MRC1: variants seen among roughly 807,000 people sequenced by gnomAD.
MRC1 encodes the protein mannose receptor C-type 1.
In MRC1, 62 loss-of-function variants were observed where a neutral mutation model predicts 102.9. The ratio of observed to expected loss-of-function variants is 0.60; its 90% CI spans 0.49 to 0.74. MRC1 has a LOEUF of 0.74. MRC1 is among the 30% of genes least tolerant of loss of function. MRC1 has a pLI of 0.00. For missense variants in MRC1, 1,237 were observed against 862.8 expected (o/e 1.43, Z -5.43); for synonymous variants, 457 against 298.4 (o/e 1.53, Z -5.48).
At chr10:17,845,024 A>T in intron 5 of MRC1, 1 of 711,176 alleles carries the variant, frequency 1.4e-6, no homozygotes, top group Non-Finnish European at 2.7e-6. Flanking sequence ...TTATTAGCTG[A>T]TAATGGGGGA....
chr10:17,879,264 C>G (rs1240873712), intron 18 of MRC1, among the ~76,000 whole-genome samples: 1 of 152,150 alleles, frequency 6.6e-6, no homozygotes, highest in Non-Finnish European at 1.5e-5. Context: ...TAGGACACAC[C>G]ACATACTCAG....
chr10:17,848,869 T>C (rs1838868881), intron 6 of MRC1, among the ~76,000 whole-genome samples: 1 of 152,146 alleles, frequency 6.6e-6, no homozygotes, highest in Non-Finnish European at 1.5e-5. Flanking sequence ...CATGTGGCTA[T>C]GGTGGCGGAG....
chr10:17,862,036 C>T (rs893693490), intron 10 of MRC1, among the ~76,000 whole-genome samples: 116 of 152,170 alleles, frequency 7.6e-4, no homozygotes, highest in Non-Finnish European at 1.3e-3. Flanking sequence ...AAGATTTATT[C>T]GTTTACTTTT....
At chr10:17,875,304 T>A (rs1833414719) in intron 17 of MRC1, 51 bp downstream of exon 17, 2 of 775,630 alleles carry the variant, frequency 2.6e-6, no homozygotes, top group Non-Finnish European at 4.8e-6. Flanking sequence ...GGGGAACAGG[T>A]GTTGTTTGGT....
intron 29 of MRC1, among the ~76,000 whole-genome samples, chr10:17,909,723 T>C (rs1206562161): frequency 6.6e-6 from 1 of 152,078 alleles, no homozygotes; most frequent in Non-Finnish European, 1.5e-5. Context: ...TTCACTCATT[T>C]TGTTGGCTGC....
chr10:17,815,926 A>G (rs1435244518), intron 1 of MRC1, among the ~76,000 whole-genome samples: 2 of 152,080 alleles, frequency 1.3e-5, no homozygotes, highest in Non-Finnish European at 2.9e-5. Context: ...TTGTGGGTTC[A>G]AGAGATTCTC....
At chr10:17,844,268 G>A (rs1370915683) in intron 5 of MRC1, among the ~76,000 whole-genome samples, 2 of 151,948 alleles carry the variant, frequency 1.3e-5, no homozygotes, top group African/African-American at 2.4e-5. Flanking sequence ...ACCCCGGCTG[G>A]AGTGCAGTGG....
At chr10:17,840,447 T>C (rs1838734011) in intron 4 of MRC1, among the ~76,000 whole-genome samples, 1 of 152,210 alleles carries the variant, frequency 6.6e-6, no homozygotes, top group African/African-American at 2.4e-5. Flanking sequence ...TAGATCTGGG[T>C]TGGAACTTTA....
chr10:17,881,748 T>C (rs888383249), intron 21 of MRC1, among the ~76,000 whole-genome samples: 5 of 133,642 alleles, frequency 3.7e-5, no homozygotes, highest in Admixed American at 3.3e-4. Flanking sequence ...AGCCTCGAAC[T>C]CCTAAGCTCA....
chr10:17,842,403 A>T (rs1838765527), intron 5 of MRC1, among the ~76,000 whole-genome samples: 1 of 152,210 alleles, frequency 6.6e-6, no homozygotes, highest in African/African-American at 2.4e-5. Context: ...TTTACTCTGA[A>T]ATTCCAGTTT....
chr10:17,861,895 A>G (rs1460073789), intron 10 of MRC1, among the ~76,000 whole-genome samples: 3 of 152,328 alleles, frequency 2.0e-5, no homozygotes, highest in East Asian at 3.9e-4. Context: ...TTACTGAATA[A>G]TTCATTCATT....
chr10:17,900,877 T>G lies in MRC1; in HGVS notation c.3573T>G (p.Val1191=), dbSNP rs1833819989. 1.3e-6 allele frequency: 1 copy of G among 780,740 alleles called. No individual in the cohort carries two copies. Among genetic ancestry groups the G allele is most frequent in the South Asian group, 1.3e-5 (1 of 74,622 alleles). The allele number at this position is 780,740 out of a possible 1,614,324, so 48.4% of individuals were successfully genotyped here. A position where few individuals can be genotyped will look rare whatever the true frequency, so the allele number is the denominator to read the frequency against. ...ADEPKLKSAC[V]YLDLDGYWKT... ...AGCCCAAATTGAAATCAGCATGTGT[T>G]TATCTGGATCTTGATGGCTACTGGA... Residue 1191 remains valine, a synonymous_variant, in exon 25 of 30, where the codon GTT becomes GTG. Coordinates refer to ENST00000569591, the MANE Select transcript of MRC1 (RefSeq NM_002438.4).
At chr10:17,859,349 G>C (rs1237344177) in intron 9 of MRC1, among the ~76,000 whole-genome samples, 3 of 152,068 alleles carry the variant, frequency 2.0e-5, no homozygotes, top group East Asian at 1.9e-4. Flanking sequence ...AAGGAGTCTT[G>C]CTATGTTGCC....
intron 3 of MRC1, among the ~76,000 whole-genome samples, chr10:17,832,105 C>A (rs1166509505): frequency 6.6e-6 from 1 of 151,576 alleles, no homozygotes; most frequent in East Asian, 1.9e-4. Flanking sequence ...CAGGTGCAGG[C>A]CCAGGCCAGT....
intron 3 of MRC1, among the ~76,000 whole-genome samples, chr10:17,828,074 T>G (rs1178505115): frequency 6.6e-6 from 1 of 152,054 alleles, no homozygotes; most frequent in African/African-American, 2.4e-5. Flanking sequence ...AGTGACCTCT[T>G]TATTTATTTA....
intron 2 of MRC1, among the ~76,000 whole-genome samples, chr10:17,823,909 T>G (rs1315526523): frequency 1.3e-5 from 2 of 152,220 alleles, no homozygotes; most frequent in Non-Finnish European, 2.9e-5. Flanking sequence ...CCAATTTAGA[T>G]TGCCTAAGAT....
rs1031216397 is a variant in MRC1 at position 17,885,345 on chromosome 10, G to T, written c.3057G>T (p.Thr1019=). 5.1e-6 allele frequency: 4 copies of T among 780,740 alleles called. No individual in the cohort carries two copies. The highest frequency in any genetic ancestry group is 5.1e-5 in the Admixed American group (3 of 59,022). 48.4% of individuals were successfully genotyped at this position (780,740 alleles called of 1,614,324 possible). A position where few individuals can be genotyped will look rare whatever the true frequency, so the allele number is the denominator to read the frequency against. ...TGLNDVNSEH[T]FLWTDGRGVH... ...TGAATGATGTCAATTCAGAACACAC[G>T]TTCCTTTGGACGGATGGACGAGGAG... Residue 1019 remains threonine, a synonymous_variant, in exon 22 of 30, where the codon ACG becomes ACT. Coordinates refer to ENST00000569591, the MANE Select transcript of MRC1 (RefSeq NM_002438.4).
chr10:17,899,136 G>T lies in MRC1; in HGVS notation c.3483+870G>T, dbSNP rs1833795361. On this transcript the variant is annotated intron_variant, in intron 24 of 29. Coordinates refer to ENST00000569591, the MANE Select transcript of MRC1 (RefSeq NM_002438.4). ...AAAAAAAAAGGAGATAAACTGGAGAGTAGATGAGTGTCAGATGTTATGAAG... is the reference window on the plus strand; with the variant it reads ...AAAAAAAAAGGAGATAAACTGGAGATTAGATGAGTGTCAGATGTTATGAAG... 2.6e-5 allele frequency among the ~76,000 whole-genome samples: 4 copies of T among 151,762 alleles called. 1 individual carries two copies. The South Asian group carries it at 8.3e-4, about 32-fold the overall frequency.
chr10:17,854,088 C>T (rs1447578925), intron 8 of MRC1, among the ~76,000 whole-genome samples: 1 of 152,132 alleles, frequency 6.6e-6, no homozygotes, highest in Non-Finnish European at 1.5e-5. Context: ...ATAGCTGTGA[C>T]TAAAGGTGCG....
Sources: allele counts gnomAD v4.1 joint callset (sites outside exome capture counted in the v4.1 genomes callset), GRCh38; gene constraint gnomAD v4.1.1; transcripts MANE v1.5; gene names NCBI Gene and HGNC (gene_info 2026-07-23, HGNC 2026-07-21).